Variants in SPNS2 observed in about 807,000 individuals in gnomAD.
SPNS2 encodes sphingosine-1-phosphate transporter SPNS2.
A neutral mutation model predicts 57.6 loss-of-function variants in SPNS2; 37 were observed. That is an observed-to-expected ratio of 0.64 (90% confidence interval 0.49 to 0.85). SPNS2 has a LOEUF of 0.85. Ranked by LOEUF, SPNS2 falls within the 40% of genes least tolerant of loss-of-function variation. The pLI, the probability that SPNS2 is intolerant of heterozygous loss-of-function variation, is 0.00. For synonymous variants in SPNS2, 440 were observed against 346.9 expected, an observed-to-expected ratio of 1.27 and a Z score of -2.98; for missense variants, 831 against 779.1, an observed-to-expected ratio of 1.07 and a Z score of -0.79.
At chr17:4,520,882 G>A (rs1440996658) in intron 2 of SPNS2, among the ~76,000 whole-genome samples, 1 of 152,148 alleles carries the variant, frequency 6.6e-6, no homozygotes, top group African/African-American at 2.4e-5. Flanking sequence ...ATATGTCAAG[G>A]CTGCATGCTG....
chr17:4,506,774 T>C (rs533476837), intron 1 of SPNS2, among the ~76,000 whole-genome samples: 1 of 152,196 alleles, frequency 6.6e-6, no homozygotes, highest in South Asian at 2.1e-4. Context: ...CAGAGACTGA[T>C]CAGTAAGCTG....
chr17:4,531,117 C>T lies in SPNS2; in HGVS notation c.790C>T (p.Arg264Trp), dbSNP rs201292217. 15 of 1,613,776 alleles carry T rather than the reference C, an allele frequency of 9.3e-6. No homozygotes were observed. The highest frequency in any genetic ancestry group is 1.3e-5 in the Non-Finnish European group (15 of 1,179,948). ...QAAGDWHWAL[R>W]VSPVLGMITG... Reference sequence around the variant, plus strand: ...AGCCGGAGACTGGCACTGGGCATTGCGGGTAAGCCCTACGTCCCTTCCCAT... The same window carrying T: ...AGCCGGAGACTGGCACTGGGCATTGTGGGTAAGCCCTACGTCCCTTCCCAT... The change falls in exon 5 of 13, where the codon CGG becomes TGG. Residue 264 changes from arginine to tryptophan, a missense_variant and splice_region_variant. Arg to Trp is a moderately radical substitution (Grantham distance 101). Around this residue, in one of 2 missense-constraint regions of SPNS2, gnomAD observed 305 missense variants for 378.3 expected, o/e 0.81. Transcript: ENST00000329078.
chr17:4,537,745 G>A lies in SPNS2; in HGVS notation c.*297G>A, dbSNP rs935411860. 2 of 456,646 alleles carry A rather than the reference G, an allele frequency of 4.4e-6. No individual in the cohort carries two copies. The highest frequency in any genetic ancestry group is 8.8e-6 in the Non-Finnish European group (2 of 226,860). 28.3% of individuals were successfully genotyped at this position (456,646 alleles called of 1,614,324 possible). A position where few individuals can be genotyped will look rare whatever the true frequency, so the allele number is the denominator to read the frequency against. Reference sequence around the variant, plus strand: ...AAGACAGCCCCAAGTGGGTGTCCGGGGAGAGCCTGGCCTGCCACCAGCTTA... The same window carrying A: ...AAGACAGCCCCAAGTGGGTGTCCGGAGAGAGCCTGGCCTGCCACCAGCTTA... On this transcript the variant is annotated 3_prime_UTR_variant, in exon 13 of 13. Coordinates refer to ENST00000329078, the MANE Select transcript of SPNS2 (RefSeq NM_001124758.3).
chr17:4,536,337 G>A lies in SPNS2; in HGVS notation c.1518G>A (p.Met506Ile), dbSNP rs761046935. ...WEFLSLGYAL[M>I]LCPFVVVLGG... is the part of the protein sequence containing the mutation. ...TCCTGAGCCTGGGCTACGCGCTCAT[G>A]CTCTGCCCTTTCGTCGTGGTCCTGG... The change falls in exon 11 of 13, where the codon ATG becomes ATA. Residue 506 changes from methionine to isoleucine, a missense_variant. Met to Ile is a conservative substitution (Grantham distance 10). Transcript: ENST00000329078. The A allele has an allele frequency of 1.2e-6, 2 of 1,611,722 alleles. No individual in the cohort carries two copies. Among genetic ancestry groups the A allele is most frequent in the African/African-American group, 2.7e-5 (2 of 74,912 alleles).
At chr17:4,532,459 C>T (rs1300275513) in intron 5 of SPNS2, 83 bp from the exon 6 acceptor site, 7 of 1,591,056 alleles carry the variant, frequency 4.4e-6, no homozygotes, top group East Asian at 4.5e-5. Context: ...CCAGAGAAGG[C>T]ATGGGCTTGC....
chr17:4,534,784 C>T (rs1221142398), intron 9 of SPNS2, among the ~76,000 whole-genome samples: 1 of 150,870 alleles, frequency 6.6e-6, no homozygotes, highest in Non-Finnish European at 1.5e-5. Flanking sequence ...GGCAGGGGTG[C>T]GCCAGGGTCA....
rs1229227695 is a variant in SPNS2, at chr17:4,511,721, T to C, written c.371-1526T>C. ...ACACAGCCTCTTCATTACGGGTAAT[T>C]ATGGTCAACCCACTCAGGGCATTAA... is the stretch of plus-strand genomic sequence containing the variant. On this transcript the variant is annotated intron_variant, in intron 1 of 12. Coordinates refer to ENST00000329078, the MANE Select transcript of SPNS2 (RefSeq NM_001124758.3). This position sits in a 1 kb window ranked among gnomAD's most constrained non-coding sequence, Gnocchi z 4.6. 6.6e-6 allele frequency among the ~76,000 whole-genome samples: 1 copy of C among 152,186 alleles called. No homozygotes were observed. Among genetic ancestry groups the C allele is most frequent in the Non-Finnish European group, 1.5e-5 (1 of 68,022 alleles).
rs1904355858 is a variant in SPNS2 at position 4,498,941 on chromosome 17, C to T, written c.-107C>T. 1.5e-6 allele frequency: 1 copy of T among 657,238 alleles called. No individual in the cohort carries two copies. Among genetic ancestry groups the T allele is most frequent in the East Asian group, 1.3e-4 (1 of 7,424 alleles). The allele number at this position is 657,238 out of a possible 1,614,324, so 40.7% of individuals were successfully genotyped here. A position where few individuals can be genotyped will look rare whatever the true frequency, so the allele number is the denominator to read the frequency against. The stretch of plus-strand genomic sequence containing the variant: ...GCCGGAGCGCAGGAGCCGACGGGGC[C>T]CGACCAGGATGGTGCAGTGGCGGCT... On this transcript the variant is annotated 5_prime_UTR_variant, in exon 1 of 13. Transcript: ENST00000329078.
rs533809541 is a variant in SPNS2 at position 4,533,866 on chromosome 17, G to A, written c.1344+13G>A. ...AGACATCCTCATGGTGAGCCAGGCA[G>A]GCCGAGGTCACCTTGTGCTGCTGAC... On this transcript the variant is annotated intron_variant, in intron 9 of 12. Coordinates refer to ENST00000329078, the MANE Select transcript of SPNS2 (RefSeq NM_001124758.3). 122 of 1,612,096 alleles carry A rather than the reference G, an allele frequency of 7.6e-5. 1 individual carries two copies. In the South Asian group the frequency reaches 1.3e-3, roughly 17 times the overall value.
chr17:4,524,212 C>T (rs1278858054), intron 2 of SPNS2, among the ~76,000 whole-genome samples: 1 of 152,128 alleles, frequency 6.6e-6, no homozygotes, highest in Non-Finnish European at 1.5e-5. Context: ...ACAAGGGGTG[C>T]AGTGTGGTAA....
rs1331809354 is a variant in SPNS2 at position 4,532,600 on chromosome 17, C to G, written c.851C>G (p.Thr284Ser). ...GTLILILVPA[T>S]KRGHADQLGD... ...CTCATCCTCATTCTGGTCCCAGCCA[C>G]TAAAAGGGGTCATGCCGACCAGCTC... The change falls in exon 6 of 13, where the codon ACT (threonine) becomes AGT (serine). Residue 284 changes from threonine (T) to serine (S), a missense_variant. Thr to Ser is a moderately conservative substitution (Grantham distance 58, BLOSUM62 1). Transcript: ENST00000329078. The G allele has an allele frequency of 2.5e-6, 4 of 1,613,778 alleles. No homozygotes were observed. In the Admixed American group the frequency reaches 6.7e-5, roughly 27 times the overall value.
chr17:4,521,614 G>A (rs1905139621), intron 2 of SPNS2, among the ~76,000 whole-genome samples: 1 of 152,250 alleles, frequency 6.6e-6, no homozygotes, highest in African/African-American at 2.4e-5. Context: ...AACATTTCAG[G>A]AATGGTGTGT....
intron 2 of SPNS2, among the ~76,000 whole-genome samples, chr17:4,523,857 A>G (rs987441450): frequency 6.6e-6 from 1 of 152,054 alleles, no homozygotes; most frequent in Non-Finnish European, 1.5e-5. Flanking sequence ...TGTGTTATTG[A>G]TTTGTTTATT....
intron 2 of SPNS2, among the ~76,000 whole-genome samples, chr17:4,515,732 C>T (rs575743149): frequency 1.3e-5 from 2 of 152,334 alleles, no homozygotes; most frequent in Admixed American, 1.3e-4. Flanking sequence ...GGGCGCCAGC[C>T]AGGTGTTGGT....
chr17:4,536,936 A>C lies in SPNS2; in HGVS notation c.1644A>C (p.Lys548Asn), dbSNP rs1366456253. Residue 548 changes from lysine (K) to asparagine (N), a missense_variant, in exon 12 of 13, where the codon AAA (lysine) becomes AAC (asparagine). Lys to Asn is a moderately conservative substitution (Grantham distance 94). Transcript: ENST00000329078. Reference protein sequence around the residue: ...NQLAMPPASVKV With the variant: ...NQLAMPPASVNV ...TGGCGATGCCGCCCGCATCTGTGAA[A>C]GTCTGAGGTGGTGAGTGCAGGCCGG... 6.2e-7 allele frequency: 1 copy of C among 1,613,750 alleles called. No homozygotes were observed. The highest frequency in any genetic ancestry group is 1.1e-5 in the South Asian group (1 of 91,080).
chr17:4,521,885 G>A lies in SPNS2; in HGVS notation c.437-3172G>A, dbSNP rs141747385. Among the ~76,000 whole-genome samples, 621 of 152,268 alleles carry A rather than the reference G, an allele frequency of 4.1e-3. 4 individuals are homozygous for A. The highest frequency in any genetic ancestry group is 0.014 in the Middle Eastern group (4 of 294). ...TGGGTAGCTTGAACTCAGCCAGGGC[G>A]GAGTGTTTACACCACAGAAATGGGC... On this transcript the variant is annotated intron_variant, in intron 2 of 12. Coordinates refer to ENST00000329078, the MANE Select transcript of SPNS2 (RefSeq NM_001124758.3).
chr17:4,522,727 C>T (rs537265239), intron 2 of SPNS2, among the ~76,000 whole-genome samples: 2 of 152,352 alleles, frequency 1.3e-5, no homozygotes, highest in South Asian at 2.1e-4. Context: ...GCCATCTGCC[C>T]ATCAGCTGTG....
intron 1 of SPNS2, among the ~76,000 whole-genome samples, chr17:4,509,717 G>C (rs1195014629): frequency 6.6e-6 from 1 of 152,246 alleles, no homozygotes; most frequent in Non-Finnish European, 1.5e-5. Flanking sequence ...GGCTTGGGAG[G>C]TACGTAACTT....
chr17:4,503,230 G>C (rs988944795), intron 1 of SPNS2, among the ~76,000 whole-genome samples: 7 of 152,248 alleles, frequency 4.6e-5, no homozygotes, highest in Middle Eastern at 3.2e-3. Flanking sequence ...GGTGGAGGTA[G>C]GGGCATGACC....
Sources: gnomAD v4.1 joint callset for allele counts (sites outside exome capture counted in the v4.1 genomes callset) on GRCh38, gnomAD v4.1.1 for gene constraint, gnomAD v4.1.1 regional missense constraint, Gnocchi (gnomAD v3.1) non-coding constraint, MANE v1.5 for transcripts, NCBI Gene and HGNC (gene_info 2026-07-23, HGNC 2026-07-21) for gene names.